The following SPRYD3 variants were observed in gnomAD, a reference collection of about 807,000 sequenced individuals.
The protein encoded by SPRYD3 is SPRY domain-containing protein 3.
Under a neutral mutation model 50.1 loss-of-function variants are expected in SPRYD3, and 17 were observed. The ratio of observed to expected loss-of-function variants is 0.34; its 90% CI spans 0.23 to 0.51. SPRYD3 has a LOEUF of 0.51. Among genes scored for constraint, SPRYD3 ranks in the 20% least tolerant of loss-of-function variants. The pLI, the probability that SPRYD3 is intolerant of heterozygous loss-of-function variation, is 0.97. For synonymous variants in SPRYD3, 198 were observed against 215.5 expected, an observed-to-expected ratio of 0.92 and a Z score of 0.71; for missense variants, 401 against 591.2, an observed-to-expected ratio of 0.68 and a Z score of 3.34.
chr12:53,066,557 C>T lies in SPRYD3; in HGVS notation c.1021+16G>A. On this transcript the variant is annotated intron_variant, in intron 9 of 10. Transcript: ENST00000301463. ...CGGCCCCAAGCAGCCTGGCTGGCCA[C>T]CCCTACCCCACTCACCCTCACTGTC... 1 of 1,554,132 alleles carries T rather than the reference C, an allele frequency of 6.4e-7. No individual in the cohort carries two copies. Among genetic ancestry groups the T allele is most frequent in the Non-Finnish European group, 8.8e-7 (1 of 1,131,094 alleles).
intron 1 of SPRYD3, among the ~76,000 whole-genome samples, chr12:53,077,689 C>G (rs964341595): frequency 1.3e-5 from 2 of 152,102 alleles, no homozygotes; most frequent in African/African-American, 4.8e-5. Flanking sequence ...GCAGGAAGGG[C>G]AGCCACAGGT....
intron 5 of SPRYD3, 85 bp from the exon 6 acceptor site, chr12:53,073,556 T>A: frequency 8.4e-7 from 1 of 1,186,726 alleles, no homozygotes; most frequent in Non-Finnish European, 1.2e-6. Context: ...TTTAAGATGA[T>A]GCAACCAGCC....
intron 6 of SPRYD3, among the ~76,000 whole-genome samples, chr12:53,068,808 G>T (rs1184221089): frequency 3.3e-5 from 5 of 152,202 alleles, no homozygotes; most frequent in Non-Finnish European, 7.3e-5. Context: ...GAGTTCAGAA[G>T]CCAATTCTGC....
At chr12:53,078,145 T>C (rs7302636) in intron 1 of SPRYD3, 98,847 of 448,858 alleles carry the variant, frequency 0.22, 14,470 homozygotes, top group African/African-American at 0.55. Context: ...TGCCACTACA[T>C]TCCAGCCTGG....
At chr12:53,073,629 G>A (rs549230593) in intron 5 of SPRYD3, among the ~76,000 whole-genome samples, 158 bp from the exon 6 acceptor site, 25 of 152,232 alleles carry the variant, frequency 1.6e-4, no homozygotes, top group African/African-American at 5.5e-4. Flanking sequence ...CGGATCACAA[G>A]GTCAGGAGAT....
rs773007651 is a variant in SPRYD3 at position 53,075,721 on chromosome 12, C to G, written c.246+15G>C. 2.5e-6 allele frequency: 4 copies of G among 1,610,434 alleles called. No homozygotes were observed. The highest frequency in any genetic ancestry group is 1.1e-5 in the South Asian group (1 of 91,004). The stretch of plus-strand genomic sequence containing the variant: ...AAGCTCACCCCCTGCTCTGCCCACC[C>G]ACTGCCTTGATCACCTCAAAATAAT... On this transcript the variant is annotated intron_variant, in intron 3 of 10. Coordinates refer to ENST00000301463, the MANE Select transcript of SPRYD3 (RefSeq NM_032840.3).
intron 6 of SPRYD3, among the ~76,000 whole-genome samples, chr12:53,069,431 T>G (rs548178026): frequency 6.6e-6 from 1 of 152,204 alleles, no homozygotes; most frequent in African/African-American, 2.4e-5. Flanking sequence ...CACAGAAGCC[T>G]GTGCGTGTCT....
rs953682065 is a variant in SPRYD3 at position 53,075,944 on chromosome 12, C to A, written c.171-133G>T. 29 of 706,832 alleles carry A rather than the reference C, an allele frequency of 4.1e-5. No homozygotes were observed. The Admixed American group carries it at 5.5e-4, about 14-fold the overall frequency. 43.8% of individuals were successfully genotyped at this position (706,832 alleles called of 1,614,324 possible). A position where few individuals can be genotyped will look rare whatever the true frequency, so the allele number is the denominator to read the frequency against. ...TCCATCAGGCTGCACTTCAGTACAT[C>A]GGCAGACATCAGAACCAGATACTTA... is the stretch of plus-strand genomic sequence containing the variant. On this transcript the variant is annotated intron_variant, in intron 2 of 10. Coordinates refer to ENST00000301463, the MANE Select transcript of SPRYD3 (RefSeq NM_032840.3).
intron 10 of SPRYD3, 134 bp downstream of exon 10, chr12:53,066,180 G>C (rs974142190): frequency 4.4e-5 from 65 of 1,480,288 alleles, no homozygotes; most frequent in Non-Finnish European, 5.8e-5. Flanking sequence ...AACCCCTGGA[G>C]CTGGGAACAG....
chr12:53,073,601 T>TTG, intron 5 of SPRYD3, 130 bp from the exon 6 acceptor site: 1 of 634,988 alleles, frequency 1.6e-6, no homozygotes, highest in East Asian at 3.1e-5. Context: ...TCCCAGCACT[T>TTG]TGGGAGGCCG....
intron 7 of SPRYD3, 88 bp downstream of exon 7, chr12:53,068,067 G>A: frequency 6.7e-7 from 1 of 1,499,620 alleles, no homozygotes; most frequent in Admixed American, 1.8e-5. Context: ...GGGCTCCCCT[G>A]GTTTCTCCTA....
intron 1 of SPRYD3, among the ~76,000 whole-genome samples, chr12:53,078,752 T>C (rs1170096768): frequency 1.3e-5 from 2 of 152,094 alleles, no homozygotes; most frequent in Non-Finnish European, 2.9e-5. Flanking sequence ...GAGAAAGAGG[T>C]GAAGTACTCT....
chr12:53,074,122 ATGGAGT>A lies in SPRYD3; in HGVS notation c.507+521_507+526del, dbSNP rs1247357515. Among the ~76,000 whole-genome samples the A allele has an allele frequency of 1.3e-5, 2 of 152,142 alleles. No individual in the cohort carries two copies. The highest frequency in any genetic ancestry group is 6.5e-5 in the Admixed American group (1 of 15,280). ...AGAAACCAATTTCCCAATGTGGGAG[ATGGAGT>A]TGGAGAGAAGGGAGAGAGCTGTGTG... On this transcript the variant is annotated intron_variant, in intron 5 of 10. Transcript: ENST00000301463. This position sits in a 1 kb window ranked among gnomAD's most constrained non-coding sequence, Gnocchi z 4.6.
intron 6 of SPRYD3, 114 bp downstream of exon 6, chr12:53,073,172 C>A (rs1416362890): frequency 8.8e-6 from 6 of 681,672 alleles, no homozygotes; most frequent in East Asian, 5.6e-5. Flanking sequence ...AAACCCCACA[C>A]GGACACTGTC....
At chr12:53,070,837 C>G (rs183843997) in intron 6 of SPRYD3, among the ~76,000 whole-genome samples, 2 of 152,090 alleles carry the variant, frequency 1.3e-5, no homozygotes, top group Admixed American at 6.5e-5. Flanking sequence ...TGTCTCCTCT[C>G]AAACAATGTC....
Position 53,066,164 on chromosome 12 carries a change from C to G in SPRYD3, c.1194+150G>C, listed in dbSNP as rs1944504172. On this transcript the variant is annotated intron_variant, in intron 10 of 10. Coordinates refer to ENST00000301463, the MANE Select transcript of SPRYD3 (RefSeq NM_032840.3). ...CAGCCTCCCAAGACCGTCTCCCGATCTCAGCAACCCCTGGAGCTGGGAACA... is the reference window on the plus strand; with the variant it reads ...CAGCCTCCCAAGACCGTCTCCCGATGTCAGCAACCCCTGGAGCTGGGAACA... The G allele has an allele frequency of 4.2e-6, 6 of 1,438,970 alleles. No individual in the cohort carries two copies. In the East Asian group the frequency reaches 1.4e-4, roughly 33 times the overall value. 89.1% of individuals were successfully genotyped at this position (1,438,970 alleles called of 1,614,324 possible). A position where few individuals can be genotyped will look rare whatever the true frequency, so the allele number is the denominator to read the frequency against.
rs778742354 is a variant in SPRYD3, at chr12:53,065,786, C to A, written c.*46G>T. On this transcript the variant is annotated 3_prime_UTR_variant, in exon 11 of 11. Coordinates refer to ENST00000301463, the MANE Select transcript of SPRYD3 (RefSeq NM_032840.3). ...GAAGTCAGGAACTGGGTGCCTGGCC[C>A]AGCAGAGGGTGAGCAGGGAGAAGGA... The A allele has an allele frequency of 3.2e-6, 5 of 1,585,142 alleles. No homozygotes were observed.
In SPRYD3 at chr12:53,067,689, C is replaced by A; in HGVS notation, c.860G>T (p.Arg287Met). 1 of 1,614,068 alleles carries A rather than the reference C, an allele frequency of 6.2e-7. No homozygotes were observed. The highest frequency in any genetic ancestry group is 1.1e-5 in the South Asian group (1 of 91,070). Residue 287 changes from arginine (R) to methionine (M), a missense_variant, in exon 8 of 11, where the codon AGG becomes ATG. By Grantham distance (91) the Arg-to-Met change is moderately conservative. Coordinates refer to ENST00000301463, the MANE Select transcript of SPRYD3 (RefSeq NM_032840.3). ...GLARKDYPKN[R>M]HPGWSRGSVA... ...AGACCCTCTGCTCCAGCCAGGGTGC[C>A]TGTTCTTGGGATAGTCCTGCACCAA...
chr12:53,075,337 T>C (rs1592266686), intron 3 of SPRYD3, 118 bp from the exon 4 acceptor site: 5 of 1,075,650 alleles, frequency 4.6e-6, no homozygotes, highest in Non-Finnish European at 5.4e-6. Context: ...AAAAAGGACA[T>C]GGGAATCAGG....
Sources: allele counts gnomAD v4.1 joint callset (sites outside exome capture counted in the v4.1 genomes callset), GRCh38; gene constraint gnomAD v4.1.1; non-coding constraint Gnocchi (gnomAD v3.1); transcripts MANE v1.5; gene names NCBI Gene and HGNC (gene_info 2026-07-23, HGNC 2026-07-21).